STK3: variants seen among roughly 807,000 people sequenced by gnomAD.
STK3 encodes the protein serine/threonine-protein kinase 3.
A neutral mutation model predicts 58.0 loss-of-function variants in STK3; 41 were observed. The observed-to-expected ratio is 0.71, with a 90% CI of 0.55 to 0.92. The LOEUF (loss-of-function observed/expected upper bound fraction) is 0.92, where lower values mean the gene tolerates loss of function less well. STK3 is among the 40% of genes least tolerant of loss of function. The pLI, the probability that STK3 is intolerant of heterozygous loss-of-function variation, is 0.00. For missense variants in STK3, 479 were observed against 602.7 expected, an observed-to-expected ratio of 0.79 and a Z score of 2.15; for synonymous variants, 170 against 191.0, an observed-to-expected ratio of 0.89 and a Z score of 0.91.
At chr8:98,852,767 A>G (rs1284642324) in intron 3 of STK3, among the ~76,000 whole-genome samples, 1 of 152,262 alleles carries the variant, frequency 6.6e-6, no homozygotes, top group Non-Finnish European at 1.5e-5. Flanking sequence ...AAAAGGGATT[A>G]TTAGCATAGC....
At chr8:98,593,596 C>A (rs1299574192) in intron 7 of STK3, among the ~76,000 whole-genome samples, 1 of 152,184 alleles carries the variant, frequency 6.6e-6, no homozygotes, top group East Asian at 1.9e-4. Flanking sequence ...AACAGGAGCA[C>A]AAACCCTATT....
intron 4 of STK3, among the ~76,000 whole-genome samples, chr8:98,733,179 A>G (rs1302079702): frequency 6.6e-6 from 1 of 152,206 alleles, no homozygotes; most frequent in Non-Finnish European, 1.5e-5. Context: ...CTGAGCACCC[A>G]TCCTAGGAGC....
intron 3 of STK3, among the ~76,000 whole-genome samples, chr8:98,833,117 C>T (rs577929431): frequency 6.6e-6 from 1 of 152,270 alleles, no homozygotes; most frequent in African/African-American, 2.4e-5. Context: ...TGATTTTACA[C>T]ACTTTAGAGA....
At chr8:98,721,595 T>C (rs1587419327) in intron 4 of STK3, among the ~76,000 whole-genome samples, 1 of 151,728 alleles carries the variant, frequency 6.6e-6, no homozygotes, top group South Asian at 2.1e-4. Flanking sequence ...AGAGCTCATA[T>C]AAAACCTTCA....
downstream of STK3, among the ~76,000 whole-genome samples, chr8:98,397,979 A>ATAACCCAGTCTCATGTAGTTC: frequency 6.6e-6 from 1 of 152,244 alleles, no homozygotes; most frequent in South Asian, 2.1e-4. Flanking sequence ...TTCTTCATAA[A>ATAACCCAGTCTCATGTAGTTC]TAACCCAGTC....
At chr8:98,606,995 G>A (rs1396047808) in intron 6 of STK3, among the ~76,000 whole-genome samples, 1 of 152,140 alleles carries the variant, frequency 6.6e-6, no homozygotes, top group Non-Finnish European at 1.5e-5. Context: ...GTCATGTTGG[G>A]GATCATGCCC....
chr8:98,816,615 C>A (rs533509049), intron 1 of STK3, among the ~76,000 whole-genome samples: 51 of 152,222 alleles, frequency 3.4e-4, no homozygotes, highest in African/African-American at 1.2e-3. Flanking sequence ...CTCACTGCAA[C>A]CTCCACCTCC....
chr8:98,426,583 C>G (rs569747841), intron 3 of STK3, among the ~76,000 whole-genome samples: 37 of 152,234 alleles, frequency 2.4e-4, no homozygotes, highest in Admixed American at 1.4e-3. Context: ...AGCTCCTGTT[C>G]CCCAACAACC....
chr8:98,920,952 C>A (rs955115483), intron 1 of STK3, among the ~76,000 whole-genome samples: 3 of 152,202 alleles, frequency 2.0e-5, no homozygotes, highest in Non-Finnish European at 4.4e-5. Context: ...TTGAAATACA[C>A]CCTTGAAATA....
rs547010556 is a variant in STK3, at chr8:98,784,683, C to T, written c.27-9864G>A. Among the ~76,000 whole-genome samples the T allele has an allele frequency of 1.2e-3, 181 of 152,142 alleles. 1 individual carries two copies. The highest frequency in any genetic ancestry group is 2.7e-3 in the South Asian group (13 of 4,828). The stretch of plus-strand genomic sequence containing the variant: ...TCACCTGCAACCGCAGTCTGAGTTG[C>T]CTTACCCTTCCTGTGTGTGCATAGA... On this transcript the variant is annotated intron_variant, in intron 1 of 10. Coordinates refer to ENST00000419617, the MANE Select transcript of STK3 (RefSeq NM_006281.4).
chr8:98,595,916 G>A (rs532514297), intron 7 of STK3, 116 bp downstream of exon 7: 2 of 1,168,904 alleles, frequency 1.7e-6, no homozygotes, highest in East Asian at 2.6e-5. Flanking sequence ...AACAGGAGGG[G>A]AGGGGAGGTT....
chr8:98,841,393 A>G (rs568591305), intron 3 of STK3, among the ~76,000 whole-genome samples: 10 of 152,224 alleles, frequency 6.6e-5, no homozygotes, highest in Admixed American at 2.0e-4. Context: ...TGTACAGTTT[A>G]TTGTATGTCA....
intron 4 of STK3, among the ~76,000 whole-genome samples, chr8:98,727,462 G>A (rs903067663): frequency 6.6e-6 from 1 of 152,150 alleles, no homozygotes; most frequent in African/African-American, 2.4e-5. Context: ...TCTTTGGCTT[G>A]AGCTGGCTTA....
At chr8:98,387,710 C>G (rs1260835728) in intron 1 of STK3, among the ~76,000 whole-genome samples, 1 of 152,092 alleles carries the variant, frequency 6.6e-6, no homozygotes, top group Non-Finnish European at 1.5e-5. Flanking sequence ...CATTGCACTC[C>G]AGCCTGGGCA....
At chr8:98,671,970 T>A (rs1171464720) in intron 6 of STK3, among the ~76,000 whole-genome samples, 4 of 152,178 alleles carry the variant, frequency 2.6e-5, no homozygotes, top group African/African-American at 9.7e-5. Context: ...TTGCCACTCA[T>A]TCTCTCTCCT....
chr8:98,460,912 A>G (rs2131164535), intron 10 of STK3, among the ~76,000 whole-genome samples: 1 of 152,328 alleles, frequency 6.6e-6, no homozygotes, highest in Non-Finnish European at 1.5e-5. Context: ...TAGGCCTATC[A>G]TATGGTTTAT....
At chr8:98,926,172 G>A (rs374482551) in intron 1 of STK3, among the ~76,000 whole-genome samples, 6 of 152,116 alleles carry the variant, frequency 3.9e-5, no homozygotes, top group Admixed American at 6.6e-5. Context: ...TTCAAATTGC[G>A]CCTGACCATT....
intron 10 of STK3, among the ~76,000 whole-genome samples, chr8:98,506,678 A>G (rs1586733799): frequency 1.3e-5 from 2 of 151,916 alleles, no homozygotes; most frequent in Non-Finnish European, 2.9e-5. Context: ...ACCACACTGC[A>G]CTCCAGCCTA....
Position 98,428,656 on chromosome 8 carries a change from G to A in STK3, n.483+5471C>T. ...CAGGGCAACCCTGGCGAGGACCCTAGGTTCGAAATCGTGGAGCACTTTGGC... is the reference window on the plus strand; with the variant it reads ...CAGGGCAACCCTGGCGAGGACCCTAAGTTCGAAATCGTGGAGCACTTTGGC... On this transcript the variant is annotated intron_variant and non_coding_transcript_variant, in intron 3 of 3. Coordinates refer to the STK3 transcript ENST00000517832. This position sits in a 1 kb window ranked among gnomAD's most constrained non-coding sequence, Gnocchi z 6.7. 1 of 1,614,168 alleles carries A rather than the reference G, an allele frequency of 6.2e-7. No individual in the cohort carries two copies. The highest frequency in any genetic ancestry group is 8.5e-7 in the Non-Finnish European group (1 of 1,180,040).
Sources: gnomAD v4.1 joint callset for allele counts (sites outside exome capture counted in the v4.1 genomes callset) on GRCh38, gnomAD v4.1.1 for gene constraint, Gnocchi (gnomAD v3.1) non-coding constraint, MANE v1.5 for transcripts, NCBI Gene and HGNC (gene_info 2026-07-23, HGNC 2026-07-21) for gene names.